JCAD: variants seen among roughly 807,000 people sequenced by gnomAD.
JCAD encodes the protein junctional cadherin 5 associated, also known as junctional cadherin 5-associated protein.
JCAD carries 40 observed loss-of-function variants against 98.0 expected under a neutral mutation model. That is an observed-to-expected ratio of 0.41 (90% confidence interval 0.32 to 0.53). JCAD has a LOEUF of 0.53. Ranked by LOEUF, JCAD falls within the 20% of genes least tolerant of loss-of-function variation. JCAD has a pLI of 0.31. For synonymous variants in JCAD, 691 were observed against 682.3 expected (o/e 1.01, Z -0.20); for missense variants, 1,705 against 1,738.1 (o/e 0.98, Z 0.34).
intron 1 of JCAD, among the ~76,000 whole-genome samples, chr10:30,072,070 T>C (rs1837901993): frequency 6.7e-6 from 1 of 149,898 alleles, no homozygotes; most frequent in African/African-American, 2.5e-5. Context: ...TTAAAAAACC[T>C]GAAAAGGCAC....
chr10:30,114,969 A>G (rs16931068), intron 1 of JCAD, among the ~76,000 whole-genome samples: 1,958 of 152,314 alleles, frequency 0.013, 38 homozygotes, highest in Middle Eastern at 0.054. Flanking sequence ...GTTTTATTCA[A>G]TAAGAACATA....
At chr10:30,077,092 C>T (rs1837995616) in intron 1 of JCAD, among the ~76,000 whole-genome samples, 1 of 152,232 alleles carries the variant, frequency 6.6e-6, no homozygotes, top group East Asian at 1.9e-4. Context: ...CCACTGAAAC[C>T]TGCCTCCTAG....
In JCAD at chr10:30,029,205, C is replaced by T; in HGVS notation, c.943G>A (p.Asp315Asn). 1.2e-6 allele frequency: 2 copies of T among 1,614,138 alleles called. No homozygotes were observed. The highest frequency in any genetic ancestry group is 1.7e-6 in the Non-Finnish European group (2 of 1,180,032). Residue 315 changes from aspartate (D) to asparagine (N), a missense_variant, in exon 3 of 4, where the codon GAC becomes AAC. Asp to Asn is a conservative substitution (Grantham distance 23). This residue lies in a region of JCAD where 275 missense variants were observed against 346.9 expected (regional missense o/e 0.79). Coordinates refer to ENST00000375377, the MANE Select transcript of JCAD (RefSeq NM_020848.4). The part of the protein sequence containing the change: ...RGGADSSDSQ[D>N]SQQMDAYVPR... ...ACATAGGCGTCCATCTGCTGGCTGT[C>T]CTGAGAGTCACTGCTGTCCGCTCCT...
At position 30,031,823 on chromosome 10, in the gene JCAD, C is replaced by T. The variant is rs534838976; in HGVS notation, c.282-1957G>A. Among the ~76,000 whole-genome samples the T allele has an allele frequency of 8.3e-4, 112 of 134,492 alleles. 4 individuals carry two copies. Among genetic ancestry groups the T allele is most frequent in the Middle Eastern group, 5.6e-3 (1 of 180 alleles). 88.2% of individuals were successfully genotyped at this position (134,492 alleles called of 152,430 possible). On this transcript the variant is annotated intron_variant, in intron 2 of 3. Coordinates refer to ENST00000375377, the MANE Select transcript of JCAD (RefSeq NM_020848.4). Reference sequence around the variant, plus strand: ...AGGCTGGAGTGCAGTGGTGGGATCTCGGCTCACTGCAAGCTCCGCCTCCCG... The same window carrying T: ...AGGCTGGAGTGCAGTGGTGGGATCTTGGCTCACTGCAAGCTCCGCCTCCCG...
At position 30,026,123 on chromosome 10, in the gene JCAD, T is replaced by A. The variant is rs1836786505; in HGVS notation, c.4025A>T (p.Asp1342Val). 6.2e-7 allele frequency: 1 copy of A among 1,614,088 alleles called. No individual in the cohort carries two copies. The highest frequency in any genetic ancestry group is 1.1e-5 in the South Asian group (1 of 91,094). Residue 1342 changes from aspartate to valine, a missense_variant, in exon 3 of 4, where the codon GAT becomes GTT. Physicochemically the swap from Asp to Val is radical, Grantham distance 152. Transcript: ENST00000375377. Reference protein sequence around the residue: ...HPAAQKEKSMDQDFWCPDSYD... With the variant: ...HPAAQKEKSMVQDFWCPDSYD... ...CTCACCTGGGCACCAGAAGTCTTGA[T>A]CCATGCTCTTCTCCTTTTGTGCTGC... is the stretch of plus-strand genomic sequence containing the variant.
intron 1 of JCAD, among the ~76,000 whole-genome samples, chr10:30,078,429 T>A (rs570646984): frequency 6.6e-6 from 1 of 152,248 alleles, no homozygotes; most frequent in East Asian, 1.9e-4. Context: ...TCTTTTTTTT[T>A]AATACAACAG....
intron 1 of JCAD, among the ~76,000 whole-genome samples, chr10:30,052,752 C>T (rs1389072705): frequency 6.6e-6 from 1 of 152,170 alleles, no homozygotes; most frequent in Non-Finnish European, 1.5e-5. Flanking sequence ...CCCGTCAGCA[C>T]CCTCCCTTGC....
intron 3 of JCAD, among the ~76,000 whole-genome samples, chr10:30,019,344 C>A (rs182612251): frequency 3.2e-5 from 4 of 124,596 alleles, no homozygotes; most frequent in Admixed American, 9.5e-5. Context: ...GCAACAAGAG[C>A]GAAACTCTGT....
intron 1 of JCAD, among the ~76,000 whole-genome samples, chr10:30,057,088 G>A (rs1443362928): frequency 6.6e-6 from 1 of 152,208 alleles, no homozygotes; most frequent in East Asian, 1.9e-4. Context: ...GAGGACTTCA[G>A]AGAGATAGTC....
Position 30,088,567 on chromosome 10 carries a change from G to A in JCAD, n.129-18746C>T, listed in dbSNP as rs974102620. 3.9e-5 allele frequency among the ~76,000 whole-genome samples: 6 copies of A among 152,100 alleles called. 1 individual carries two copies. In the South Asian group the frequency reaches 8.3e-4, roughly 21 times the overall value. On this transcript the variant is annotated intron_variant and non_coding_transcript_variant, in intron 1 of 2. Coordinates refer to the JCAD transcript ENST00000465712. Reference sequence around the variant, plus strand: ...TCTCTTTTAAAAATAATAAGATTCCGAAATACAATAACCCAAAGGCAGGAA... The same window carrying A: ...TCTCTTTTAAAAATAATAAGATTCCAAAATACAATAACCCAAAGGCAGGAA...
chr10:30,026,026 C>T lies in JCAD; in HGVS notation c.4045+77G>A. Reference sequence around the variant, plus strand: ...TTCTGAATATGCAGATTTACATTATCCACCAACCTGGTATTTTGTACTGAC... The same window carrying T: ...TTCTGAATATGCAGATTTACATTATTCACCAACCTGGTATTTTGTACTGAC... On this transcript the variant is annotated intron_variant, in intron 3 of 3. Coordinates refer to ENST00000375377, the MANE Select transcript of JCAD (RefSeq NM_020848.4). 7 of 1,521,978 alleles carry T rather than the reference C, an allele frequency of 4.6e-6. No individual in the cohort carries two copies. In the South Asian group the frequency reaches 5.6e-5, roughly 12 times the overall value. The allele number at this position is 1,521,978 out of a possible 1,614,324, so 94.3% of individuals were successfully genotyped here. A position where few individuals can be genotyped will look rare whatever the true frequency, so the allele number is the denominator to read the frequency against.
intron 1 of JCAD, among the ~76,000 whole-genome samples, chr10:30,099,709 C>T (rs2132706301): frequency 6.6e-6 from 1 of 152,244 alleles, no homozygotes; most frequent in South Asian, 2.1e-4. Context: ...TATACTAAAA[C>T]AGATGTTAGA....
At chr10:30,068,390 C>CAA (rs34060997) in intron 2 of JCAD, among the ~76,000 whole-genome samples, 6,126 of 46,026 alleles carry the variant, frequency 0.13, 536 homozygotes, top group African/African-American at 0.2. Context: ...AACTCTGTCT[C>CAA]AAAAAAAAAA....
intron 3 of JCAD, among the ~76,000 whole-genome samples, chr10:30,021,806 T>C (rs1836665361): frequency 6.6e-6 from 1 of 152,142 alleles, no homozygotes; most frequent in African/African-American, 2.4e-5. Flanking sequence ...GAATTTAGAA[T>C]CCTGTTTCCT....
intron 2 of JCAD, among the ~76,000 whole-genome samples, chr10:30,040,352 T>C (rs1274850516): frequency 6.6e-6 from 1 of 152,212 alleles, no homozygotes; most frequent in Admixed American, 6.5e-5. Context: ...CTCATGCGTA[T>C]CTAATAGGTA....
At chr10:30,035,023 C>A (rs1837081225) in intron 2 of JCAD, among the ~76,000 whole-genome samples, 1 of 152,138 alleles carries the variant, frequency 6.6e-6, no homozygotes, top group Admixed American at 6.5e-5. Flanking sequence ...AGGGAGGAAA[C>A]CGTACCGTGT....
chr10:30,075,269 G>A (rs1044576331), intron 1 of JCAD, among the ~76,000 whole-genome samples: 1 of 152,194 alleles, frequency 6.6e-6, no homozygotes, highest in African/African-American at 2.4e-5. Context: ...TAGGAATGGA[G>A]GATCCAATAC....
At chr10:30,066,381 A>G (rs1240473462) in intron 2 of JCAD, among the ~76,000 whole-genome samples, 2 of 152,228 alleles carry the variant, frequency 1.3e-5, no homozygotes, top group Admixed American at 1.3e-4. Context: ...GTAAAGCCAC[A>G]TATTAATGGA....
chr10:30,083,017 A>AG (rs1277504340), intron 1 of JCAD, among the ~76,000 whole-genome samples: 1 of 152,220 alleles, frequency 6.6e-6, no homozygotes, highest in South Asian at 2.1e-4. Context: ...CTGGCAACAG[A>AG]GCAAGATTCC....
Sources: gnomAD v4.1 joint callset for allele counts (sites outside exome capture counted in the v4.1 genomes callset) on GRCh38, gnomAD v4.1.1 for gene constraint, gnomAD v4.1.1 regional missense constraint, MANE v1.5 for transcripts, NCBI Gene and HGNC (gene_info 2026-07-23, HGNC 2026-07-21) for gene names.